TNFRSF11A: variants seen among roughly 807,000 people sequenced by gnomAD.
TNFRSF11A encodes TNF receptor superfamily member 11a.
A neutral mutation model predicts 55.7 loss-of-function variants in TNFRSF11A; 32 were observed. The observed-to-expected ratio is 0.57, with a 90% CI of 0.43 to 0.77. TNFRSF11A has a LOEUF of 0.77. Ranked by LOEUF, TNFRSF11A falls within the 30% of genes least tolerant of loss-of-function variation. The pLI, the probability that TNFRSF11A is intolerant of heterozygous loss-of-function variation, is 0.00. For synonymous variants in TNFRSF11A, 311 were observed against 331.0 expected (o/e 0.94, Z 0.65); for missense variants, 753 against 809.8 (o/e 0.93, Z 0.85).
chr18:62,377,005 C>G (rs947517368), intron 9 of TNFRSF11A, among the ~76,000 whole-genome samples: 2 of 152,184 alleles, frequency 1.3e-5, no homozygotes, highest in African/African-American at 4.8e-5. Flanking sequence ...GGCCCCGCCT[C>G]CGGGTTCATG....
At chr18:62,358,549 G>C (rs560893325) in intron 5 of TNFRSF11A, among the ~76,000 whole-genome samples, 1 of 152,186 alleles carries the variant, frequency 6.6e-6, no homozygotes, top group East Asian at 1.9e-4. Context: ...CAGGAACTTC[G>C]TGTGACTTTT....
In TNFRSF11A at chr18:62,369,458, C is replaced by A; in HGVS notation, c.1541C>A (p.Ser514Tyr). Residue 514 changes from serine (S) to tyrosine (Y), a missense_variant, in exon 9 of 10, where the codon TCC (serine) becomes TAC (tyrosine). By Grantham distance (144) the Ser-to-Tyr change is moderately radical. This residue lies in a region of TNFRSF11A where 567 missense variants were observed against 596.7 expected (regional missense o/e 0.95). Transcript: ENST00000586569. ...AGGGCAGGTGCCGGGTCTGGAAGCT[C>A]CCCTGGTGGCCAGTCCCCTGCATCT... ...SARAGAGSGSSPGGQSPASGN... is the reference protein window; with the variant it reads ...SARAGAGSGSYPGGQSPASGN... The A allele has an allele frequency of 6.2e-7, 1 of 1,608,556 alleles. No homozygotes were observed. Among genetic ancestry groups the A allele is most frequent in the Non-Finnish European group, 8.5e-7 (1 of 1,180,022 alleles).
At position 62,350,684 on chromosome 18, in the gene TNFRSF11A, T is replaced by C. The variant is rs190334592; in HGVS notation, c.283+747T>C. ...GTGAAGCAGGACTCAAAACCAGCTC[T>C]ACTCTTCACCTTTTTCCTAAACTAT... On this transcript the variant is annotated intron_variant, in intron 3 of 9. Transcript: ENST00000586569. 1.8e-4 allele frequency among the ~76,000 whole-genome samples: 28 copies of C among 152,358 alleles called. No individual in the cohort carries two copies. The East Asian group carries it at 4.0e-3, about 22-fold the overall frequency.
chr18:62,329,435 C>G (rs1429075819), intron 1 of TNFRSF11A, among the ~76,000 whole-genome samples: 1 of 152,242 alleles, frequency 6.6e-6, no homozygotes, highest in African/African-American at 2.4e-5. Context: ...TTCTGCCCAG[C>G]AGGTGATTTT....
At chr18:62,381,864 A>T (rs552217959) in intron 9 of TNFRSF11A, among the ~76,000 whole-genome samples, 2 of 152,156 alleles carry the variant, frequency 1.3e-5, no homozygotes, top group South Asian at 4.1e-4. Flanking sequence ...GACTTTTTCT[A>T]TTAACCAAGT....
intron 9 of TNFRSF11A, among the ~76,000 whole-genome samples, chr18:62,372,046 C>T (rs528409291): frequency 1.3e-5 from 2 of 152,230 alleles, no homozygotes; most frequent in East Asian, 3.9e-4. Flanking sequence ...AGAGTATCTC[C>T]TGTCCCAGCA....
At chr18:62,345,116 C>T (rs183733064) in intron 1 of TNFRSF11A, among the ~76,000 whole-genome samples, 9 of 152,272 alleles carry the variant, frequency 5.9e-5, no homozygotes, top group Non-Finnish European at 8.8e-5. Context: ...CAGTGCACAG[C>T]GCTCACCAGG....
chr18:62,362,855 T>C (rs1448951533), intron 7 of TNFRSF11A, among the ~76,000 whole-genome samples: 1 of 152,184 alleles, frequency 6.6e-6, no homozygotes. Flanking sequence ...TTTACTTATT[T>C]ATTTTTTAGA....
chr18:62,355,060 G>GC (rs537553706), intron 4 of TNFRSF11A, among the ~76,000 whole-genome samples: 96 of 152,262 alleles, frequency 6.3e-4, no homozygotes, highest in Admixed American at 2.2e-3. Context: ...GGCCATTTGT[G>GC]CCCACTATGA....
At chr18:62,380,648 G>C (rs1218836422) in intron 9 of TNFRSF11A, among the ~76,000 whole-genome samples, 1 of 151,680 alleles carries the variant, frequency 6.6e-6, no homozygotes, top group Non-Finnish European at 1.5e-5. Flanking sequence ...GTGTTAACCA[G>C]GATGGTCTCG....
intron 1 of TNFRSF11A, among the ~76,000 whole-genome samples, chr18:62,344,426 G>C (rs1233170190): frequency 6.6e-6 from 1 of 152,186 alleles, no homozygotes. Flanking sequence ...GGGAAAAAGA[G>C]GCAACTGTAA....
intron 8 of TNFRSF11A, among the ~76,000 whole-genome samples, chr18:62,367,067 C>T (rs1042234395): frequency 7.2e-5 from 11 of 152,246 alleles, no homozygotes; most frequent in Non-Finnish European, 1.5e-4. Flanking sequence ...CCACGCTAGT[C>T]TCGAACTCCT....
chr18:62,326,298 C>T (rs1179047297), intron 1 of TNFRSF11A, among the ~76,000 whole-genome samples: 1 of 152,090 alleles, frequency 6.6e-6, no homozygotes, highest in East Asian at 1.9e-4. Context: ...CCCGGAGAGG[C>T]GTGGGGAGGG....
Position 62,386,492 on chromosome 18 carries a change from C to T in TNFRSF11A, c.*1458C>T, listed in dbSNP as rs985092615. On this transcript the variant is annotated 3_prime_UTR_variant, in exon 10 of 10. Coordinates refer to ENST00000586569, the MANE Select transcript of TNFRSF11A (RefSeq NM_003839.4). ...TCCCGCTTGTGAGAAGCCTAGAGGA[C>T]GCTCCAGGTGGAAGGAAATCCCCTG... The T allele has an allele frequency of 2.0e-5, 3 of 152,180 alleles. No homozygotes were observed. Among genetic ancestry groups the T allele is most frequent in the African/African-American group, 7.2e-5 (3 of 41,428 alleles). 9.4% of individuals were successfully genotyped at this position (152,180 alleles called of 1,614,324 possible).
chr18:62,325,451 G>A lies in TNFRSF11A; in HGVS notation c.75+24G>A. On this transcript the variant is annotated intron_variant, in intron 1 of 9. Transcript: ENST00000586569. The surrounding 1 kb of genome is among the most constrained non-coding windows in gnomAD (Gnocchi z 4.7). The stretch of plus-strand genomic sequence containing the variant: ...AGGTAAGGAGCGCCCGCGCCTGCCG[G>A]GCCGCGCGGCCCGACGCCTCCTCGG... The A allele has an allele frequency of 1.6e-6, 2 of 1,248,150 alleles. No individual in the cohort carries two copies. Among genetic ancestry groups the A allele is most frequent in the Non-Finnish European group, 1.0e-6 (1 of 983,758 alleles). The allele number at this position is 1,248,150 out of a possible 1,614,324, so 77.3% of individuals were successfully genotyped here.
At chr18:62,360,137 C>T (rs1398894500) in intron 6 of TNFRSF11A, 88 bp downstream of exon 6, 11 of 947,858 alleles carry the variant, frequency 1.2e-5, no homozygotes, top group South Asian at 8.0e-5. Flanking sequence ...CGTGGATTTG[C>T]GGGCGTCCTC....
intron 1 of TNFRSF11A, among the ~76,000 whole-genome samples, chr18:62,345,742 G>C (rs1409441269): frequency 6.6e-6 from 1 of 152,128 alleles, no homozygotes; most frequent in East Asian, 1.9e-4. Context: ...TCAGTTTTTG[G>C]GCAGGGGTGG....
At chr18:62,339,948 T>C (rs1209045288) in intron 1 of TNFRSF11A, among the ~76,000 whole-genome samples, 1 of 151,984 alleles carries the variant, frequency 6.6e-6, no homozygotes, top group African/African-American at 2.4e-5. Context: ...GATGAGTGCT[T>C]TTAAGTTGGA....
chr18:62,357,980 C>T (rs1909387595), intron 4 of TNFRSF11A: 1 of 460,966 alleles, frequency 2.2e-6, no homozygotes, highest in Admixed American at 3.4e-5. Flanking sequence ...ACATCACATA[C>T]CAGTGTTAGT....
Sources: gnomAD v4.1 joint callset for allele counts (sites outside exome capture counted in the v4.1 genomes callset) on GRCh38, gnomAD v4.1.1 for gene constraint, gnomAD v4.1.1 regional missense constraint, Gnocchi (gnomAD v3.1) non-coding constraint, MANE v1.5 for transcripts, NCBI Gene and HGNC (gene_info 2026-07-23, HGNC 2026-07-21) for gene names.